ANKRD26: variants seen among roughly 807,000 people sequenced by gnomAD.
The protein encoded by ANKRD26 is ankyrin repeat domain 26, also known as ankyrin repeat domain-containing protein 26.
Under a neutral mutation model 208.7 loss-of-function variants are expected in ANKRD26, and 141 were observed. That is an observed-to-expected ratio of 0.68 (90% CI 0.59 to 0.78). The LOEUF (loss-of-function observed/expected upper bound fraction) is 0.78. Ranked by LOEUF, ANKRD26 falls within the 30% of genes least tolerant of loss-of-function variation. The pLI, the probability that ANKRD26 is intolerant of heterozygous loss-of-function variation, is 0.00. For missense variants in ANKRD26, 1,889 were observed against 1,938.7 expected, an observed-to-expected ratio of 0.97 and a Z score of 0.48; for synonymous variants, 636 against 660.4, an observed-to-expected ratio of 0.96 and a Z score of 0.57.
At chr10:26,972,920 T>A (rs550154522), downstream of ANKRD26, among the ~76,000 whole-genome samples, 1 of 152,228 alleles carries the variant, frequency 6.6e-6, no homozygotes, top group East Asian at 1.9e-4. Flanking sequence ...GCTATCTTAA[T>A]GCTGGTAGGT....
chr10:27,099,572 G>GGGT (rs1444496646), intron 1 of ANKRD26, among the ~76,000 whole-genome samples: 2 of 136,884 alleles, frequency 1.5e-5, no homozygotes, highest in African/African-American at 5.3e-5. Context: ...TGGGGGGGGG[G>GGGT]GTCTCGCTAT....
intron 16 of ANKRD26, among the ~76,000 whole-genome samples, chr10:27,049,908 T>C (rs10829169): frequency 0.12 from 17,640 of 151,928 alleles, 1,429 homozygotes; most frequent in East Asian, 0.28. Context: ...GTGTGGGAAG[T>C]CTCGTCTGCT....
rs540625879 is a variant in ANKRD26 at position 27,089,573 on chromosome 10, C to T, written c.638+2833G>A. ...TTGGAAAGCCAAGGTTGATGGATTG[C>T]TTGAGCCTAGGAGTTTGAGACCACC... On this transcript the variant is annotated intron_variant, in intron 4 of 33. Transcript: ENST00000376087. Among the ~76,000 whole-genome samples, 9 of 152,298 alleles carry T rather than the reference C, an allele frequency of 5.9e-5. No individual in the cohort carries two copies. In the South Asian group the frequency reaches 1.9e-3, roughly 32 times the overall value.
chr10:26,961,388 C>A, the ANKRD26 span, among the ~76,000 whole-genome samples: 1 of 152,100 alleles, frequency 6.6e-6, no homozygotes, highest in Non-Finnish European at 1.5e-5. Flanking sequence ...AGGCAATTTT[C>A]CCAAAAGTAA....
chr10:26,994,730 A>G (rs892408240), intron 5 of ANKRD26, among the ~76,000 whole-genome samples: 1 of 152,204 alleles, frequency 6.6e-6, no homozygotes, highest in Admixed American at 6.5e-5. Context: ...AATGGTTTCT[A>G]ACAGCTCTGA....
chr10:27,042,718 A>G (rs1053424890), intron 20 of ANKRD26, among the ~76,000 whole-genome samples: 1 of 150,502 alleles, frequency 6.6e-6, no homozygotes, highest in African/African-American at 2.5e-5. Context: ...GCGCCACTGC[A>G]CTCCAGCCTG....
intron 9 of ANKRD26, among the ~76,000 whole-genome samples, chr10:27,068,583 A>G (rs2055352531): frequency 6.6e-6 from 1 of 152,204 alleles, no homozygotes. Context: ...GAACACAGTC[A>G]GAGGGAACAG....
At chr10:26,999,389 G>A (rs892773026), downstream of ANKRD26, among the ~76,000 whole-genome samples, 1 of 152,160 alleles carries the variant, frequency 6.6e-6, no homozygotes, top group African/African-American at 2.4e-5. Flanking sequence ...TATAGTTAGG[G>A]TTCTCCTTCA....
the ANKRD26 span, among the ~76,000 whole-genome samples, chr10:26,948,615 T>C: frequency 6.6e-6 from 1 of 152,232 alleles, no homozygotes; most frequent in Non-Finnish European, 1.5e-5. Flanking sequence ...TCATTTTTGT[T>C]CTATTCAGTA....
At chr10:27,082,957 GAATT>G in intron 5 of ANKRD26, 124 bp from the exon 6 acceptor site, 1 of 1,299,272 alleles carries the variant, frequency 7.7e-7, no homozygotes, top group Non-Finnish European at 1.0e-6. Flanking sequence ...GACTATAATA[GAATT>G]AATATCCTCT....
chr10:27,025,903 T>C (rs1261371835), intron 27 of ANKRD26, among the ~76,000 whole-genome samples: 1 of 152,234 alleles, frequency 6.6e-6, no homozygotes, highest in Non-Finnish European at 1.5e-5. Flanking sequence ...TTGGTGCAGA[T>C]TCCTTTTGTA....
At chr10:27,064,333 C>T (rs762762609) in intron 11 of ANKRD26, among the ~76,000 whole-genome samples, 6 of 152,012 alleles carry the variant, frequency 3.9e-5, no homozygotes, top group Non-Finnish European at 8.8e-5. Flanking sequence ...GTCCCAAGGA[C>T]ACATATTAAC....
At chr10:26,972,230 G>C (rs938265598), downstream of ANKRD26, among the ~76,000 whole-genome samples, 1 of 135,192 alleles carries the variant, frequency 7.4e-6, no homozygotes, top group Non-Finnish European at 1.5e-5. Flanking sequence ...GCGAGACTCC[G>C]TCTCAAAAAA....
intron 9 of ANKRD26, among the ~76,000 whole-genome samples, chr10:27,068,841 A>ACATT (rs1345087534): frequency 6.6e-6 from 1 of 151,506 alleles, no homozygotes; most frequent in Non-Finnish European, 1.5e-5. Context: ...GTGAACTGTC[A>ACATT]CATTTTCTTT....
intron 32 of ANKRD26, among the ~76,000 whole-genome samples, chr10:27,011,506 AT>A (rs144620330): frequency 0.096 from 14,491 of 150,470 alleles, 2,218 homozygotes; most frequent in African/African-American, 0.33. Context: ...AGCATAGTTG[AT>A]TTTTTTTTTC....
At chr10:27,047,443 A>C (rs1183519028) in intron 17 of ANKRD26, among the ~76,000 whole-genome samples, 1 of 151,600 alleles carries the variant, frequency 6.6e-6, no homozygotes, top group Admixed American at 6.6e-5. Flanking sequence ...AGATGGTGAA[A>C]CCCCATCTCT....
chr10:27,012,394 TAA>T (rs34704508), intron 32 of ANKRD26, among the ~76,000 whole-genome samples: 51 of 142,282 alleles, frequency 3.6e-4, no homozygotes, highest in African/African-American at 1.0e-3. Flanking sequence ...CTCTAGGGAC[TAA>T]AAAAAAAAAA....
intron 9 of ANKRD26, among the ~76,000 whole-genome samples, chr10:27,073,647 A>G (rs2055585713): frequency 6.6e-6 from 1 of 152,148 alleles, no homozygotes; most frequent in Non-Finnish European, 1.5e-5. Flanking sequence ...AGCTGCAACC[A>G]GTTTTTACCC....
chr10:27,058,904 T>C (rs1326965374), intron 15 of ANKRD26, among the ~76,000 whole-genome samples: 1 of 118,354 alleles, frequency 8.4e-6, no homozygotes, highest in Non-Finnish European at 1.9e-5. Flanking sequence ...TTTTTGTTTG[T>C]TTGTTTTTTG....
Sources: allele counts gnomAD v4.1 joint callset (sites outside exome capture counted in the v4.1 genomes callset), GRCh38; gene constraint gnomAD v4.1.1; transcripts MANE v1.5; gene names NCBI Gene and HGNC (gene_info 2026-07-23, HGNC 2026-07-21).